LIN28B: variants seen among roughly 807,000 people sequenced by gnomAD.
LIN28B encodes protein lin-28 homolog B.
A neutral mutation model predicts 21.9 loss-of-function variants in LIN28B; 5 were observed. The ratio of observed to expected loss-of-function variants is 0.23; its 90% CI spans 0.12 to 0.48. The LOEUF (loss-of-function observed/expected upper bound fraction) is 0.48. LIN28B is among the 20% of genes least tolerant of loss of function. The pLI, the probability that LIN28B is intolerant of heterozygous loss-of-function variation, is 0.98. For synonymous variants in LIN28B, 109 were observed against 111.3 expected, an observed-to-expected ratio of 0.98 and a Z score of 0.13; for missense variants, 245 against 310.5, an observed-to-expected ratio of 0.79 and a Z score of 1.58.
intron 3 of LIN28B, among the ~76,000 whole-genome samples, chr6:105,047,631 T>A (rs1043824593): frequency 1.3e-5 from 2 of 152,224 alleles, no homozygotes; most frequent in Admixed American, 1.3e-4. Flanking sequence ...TTCACGATAT[T>A]GATTCTTCCT....
chr6:104,954,027 C>T (rs1778254330), upstream of LIN28B, among the ~76,000 whole-genome samples: 1 of 152,188 alleles, frequency 6.6e-6, no homozygotes, highest in Non-Finnish European at 1.5e-5. Context: ...TGATAGCCAA[C>T]AGGCATATGG....
At chr6:104,972,758 T>C (rs1247541406) in intron 2 of LIN28B, among the ~76,000 whole-genome samples, 1 of 152,194 alleles carries the variant, frequency 6.6e-6, no homozygotes, top group Non-Finnish European at 1.5e-5. Context: ...ACATATTTTT[T>C]AGAGTTCAGT....
intron 2 of LIN28B, among the ~76,000 whole-genome samples, chr6:105,010,109 A>G (rs1238949164): frequency 6.6e-6 from 1 of 152,098 alleles, no homozygotes; most frequent in Non-Finnish European, 1.5e-5. Context: ...ACTTCATAGC[A>G]GTAAGAATAG....
At chr6:105,024,082 A>G (rs1437329472) in intron 2 of LIN28B, among the ~76,000 whole-genome samples, 1 of 151,924 alleles carries the variant, frequency 6.6e-6, no homozygotes, top group Non-Finnish European at 1.5e-5. Context: ...TCCGCCTCCC[A>G]GGTTCAACTG....
intron 2 of LIN28B, chr6:104,940,393 C>T: frequency 6.4e-6 from 1 of 155,386 alleles, no homozygotes. Flanking sequence ...GCGCGGAGAG[C>T]CGGGAGTCAC....
intron 2 of LIN28B, among the ~76,000 whole-genome samples, chr6:104,989,718 G>A (rs1380357428): frequency 6.6e-6 from 1 of 150,854 alleles, no homozygotes; most frequent in Non-Finnish European, 1.5e-5. Context: ...CTCAGCCTGA[G>A]TAGCTGGGAT....
chr6:105,053,307 A>T (rs979177711), intron 3 of LIN28B, among the ~76,000 whole-genome samples: 2 of 152,164 alleles, frequency 1.3e-5, no homozygotes, highest in East Asian at 1.9e-4. Flanking sequence ...AATATTCAGA[A>T]GATGTTGAGT....
At chr6:104,948,681 A>G (rs954589210) in intron 2 of LIN28B, among the ~76,000 whole-genome samples, 2 of 152,176 alleles carry the variant, frequency 1.3e-5, no homozygotes, top group Non-Finnish European at 2.9e-5. Context: ...TCAATATTGG[A>G]TGGATACATG....
intron 2 of LIN28B, among the ~76,000 whole-genome samples, chr6:104,989,428 G>C (rs1270995022): frequency 6.6e-6 from 1 of 152,006 alleles, no homozygotes; most frequent in Non-Finnish European, 1.5e-5. Flanking sequence ...GTGCCATGTT[G>C]ACCAGGCTAG....
At chr6:104,961,223 A>G (rs1562072682) in intron 2 of LIN28B, among the ~76,000 whole-genome samples, 2 of 152,312 alleles carry the variant, frequency 1.3e-5, no homozygotes, top group South Asian at 4.1e-4. Flanking sequence ...TAAGTATTAT[A>G]TTTGTGAATT....
Position 104,960,109 on chromosome 6 carries a change from A to C in LIN28B, c.198+1823A>C, listed in dbSNP as rs532305970. 7.2e-5 allele frequency among the ~76,000 whole-genome samples: 11 copies of C among 152,282 alleles called. No homozygotes were observed. The East Asian group carries it at 2.1e-3, about 29-fold the overall frequency. On this transcript the variant is annotated intron_variant, in intron 2 of 3. Transcript: ENST00000345080. The stretch of plus-strand genomic sequence containing the variant: ...TCTATACTATAAACATTGATTTTTA[A>C]ATAGTTGACTTAATATTCAGTTACA...
intron 2 of LIN28B, among the ~76,000 whole-genome samples, chr6:105,005,991 T>C (rs1292373763): frequency 6.6e-6 from 1 of 152,228 alleles, no homozygotes; most frequent in Non-Finnish European, 1.5e-5. Context: ...CTGAGGAATA[T>C]TAATTGCAGT....
At chr6:104,952,328 T>C (rs1479931194), upstream of LIN28B, among the ~76,000 whole-genome samples, 1 of 152,228 alleles carries the variant, frequency 6.6e-6, no homozygotes, top group Non-Finnish European at 1.5e-5. Context: ...AGCTTCCTTT[T>C]GTGCCATTCT....
At chr6:104,962,077 T>C (rs1769758447) in intron 2 of LIN28B, among the ~76,000 whole-genome samples, 1 of 152,154 alleles carries the variant, frequency 6.6e-6, no homozygotes, top group African/African-American at 2.4e-5. Context: ...GAATTTGATT[T>C]TGTTCTGGGA....
chr6:104,943,267 A>G (rs1008801221), intron 2 of LIN28B, among the ~76,000 whole-genome samples: 3 of 152,162 alleles, frequency 2.0e-5, no homozygotes, highest in Admixed American at 6.5e-5. Flanking sequence ...TACCTGCCTA[A>G]AAGTTTGATA....
chr6:104,942,226 C>T (rs1778104618), intron 2 of LIN28B, among the ~76,000 whole-genome samples: 1 of 152,124 alleles, frequency 6.6e-6, no homozygotes, highest in East Asian at 1.9e-4. Context: ...AAAATTACAC[C>T]TGACAACTAG....
rs148098918 is a variant in LIN28B, at chr6:104,957,684, C to T, written c.11-415C>T. Among the ~76,000 whole-genome samples the T allele has an allele frequency of 1.1e-4, 16 of 152,232 alleles. No individual in the cohort carries two copies. In the East Asian group the frequency reaches 2.9e-3, roughly 28 times the overall value. On this transcript the variant is annotated intron_variant, in intron 1 of 3. Coordinates refer to ENST00000345080, the MANE Select transcript of LIN28B (RefSeq NM_001004317.4). The stretch of plus-strand genomic sequence containing the variant: ...ATGTGCCTTAACTAGTAGCTCTAAA[C>T]CATCTTCACGATTTCTCTTTCCTCC...
intron 3 of LIN28B, among the ~76,000 whole-genome samples, chr6:105,043,676 G>A (rs1771689003): frequency 6.6e-6 from 1 of 151,614 alleles, no homozygotes; most frequent in Admixed American, 6.6e-5. Flanking sequence ...TCTCTTCCTG[G>A]ATTCAAGCAA....
intron 2 of LIN28B, among the ~76,000 whole-genome samples, chr6:104,959,590 T>G (rs755407617): frequency 6.6e-6 from 1 of 152,216 alleles, no homozygotes; most frequent in Admixed American, 6.5e-5. Context: ...ATTGGCTGTT[T>G]ATATGTGGAA....
Sources: gnomAD v4.1 joint callset for allele counts (sites outside exome capture counted in the v4.1 genomes callset) on GRCh38, gnomAD v4.1.1 for gene constraint, MANE v1.5 for transcripts, NCBI Gene and HGNC (gene_info 2026-07-23, HGNC 2026-07-21) for gene names.